The following ZNF584 variants were observed in gnomAD, a reference collection of about 807,000 sequenced individuals.
ZNF584 encodes zinc finger protein 584.
In ZNF584, 12 loss-of-function variants were observed where a neutral mutation model predicts 14.7. The observed-to-expected ratio is 0.82, with a 90% CI of 0.52 to 1.32. The LOEUF (loss-of-function observed/expected upper bound fraction) is 1.32. Ranked by LOEUF, ZNF584 falls within the 40% of genes most tolerant of loss-of-function variation. The probability of loss-of-function intolerance (pLI) is 0.00; values close to 1 mark genes in which losing one functional copy is unlikely to be tolerated. For synonymous variants in ZNF584, 204 were observed against 190.9 expected (o/e 1.07, Z -0.57); for missense variants, 478 against 518.8 (o/e 0.92, Z 0.76).
Position 58,418,008 on chromosome 19 carries a change from A to C in ZNF584, c.*224A>C. ...TCACTGAGTTTATCCACCGCCATCC[A>C]CCTCTATCCACCCCATAAGGTCCCT... On this transcript the variant is annotated 3_prime_UTR_variant, in exon 4 of 4. Transcript: ENST00000306910. The C allele has an allele frequency of 3.5e-6, 2 of 568,008 alleles. No homozygotes were observed. The highest frequency in any genetic ancestry group is 4.5e-5 in the South Asian group (2 of 44,176). The allele number at this position is 568,008 out of a possible 1,614,324, so 35.2% of individuals were successfully genotyped here. A position where few individuals can be genotyped will look rare whatever the true frequency, so the allele number is the denominator to read the frequency against.
intron 1 of ZNF584, among the ~76,000 whole-genome samples, chr19:58,409,454 G>A (rs2052513694): frequency 6.6e-6 from 1 of 152,238 alleles, no homozygotes; most frequent in South Asian, 2.1e-4. Context: ...GTTGTGCTGG[G>A]GGTGTACAGT....
At chr19:58,410,144 A>T in intron 2 of ZNF584, 53 bp downstream of exon 2, 2 of 1,548,450 alleles carry the variant, frequency 1.3e-6, no homozygotes, top group Middle Eastern at 1.8e-4. Context: ...CATTTTCCCC[A>T]TGCGAAGTTC....
intron 3 of ZNF584, chr19:58,416,270 C>CT (rs1307717574): frequency 2.7e-5 from 6 of 221,040 alleles, no homozygotes; most frequent in Non-Finnish European, 5.5e-5. Context: ...GAGTTTTGCT[C>CT]TTATTGCCCA....
upstream of ZNF584, chr19:58,405,521 C>T (rs79352117): frequency 8.0e-4 from 122 of 152,084 alleles, no homozygotes; most frequent in African/African-American, 1.2e-3. Flanking sequence ...GGGCGGCTGC[C>T]GGGCGGAGAT....
At position 58,409,066 on chromosome 19, in the gene ZNF584, C is replaced by A; in HGVS notation, c.-82C>A. ...GGGAGAGCTTCCCGGGAAGGTTCCACGGCGGCCGAGGGTTTCCGCGCCCGG... is the reference window on the plus strand; with the variant it reads ...GGGAGAGCTTCCCGGGAAGGTTCCAAGGCGGCCGAGGGTTTCCGCGCCCGG... On this transcript the variant is annotated 5_prime_UTR_variant, in exon 1 of 4. Transcript: ENST00000306910. The A allele has an allele frequency of 6.9e-7, 1 of 1,446,334 alleles. No homozygotes were observed. The highest frequency in any genetic ancestry group is 9.2e-7 in the Non-Finnish European group (1 of 1,087,548). 89.6% of individuals were successfully genotyped at this position (1,446,334 alleles called of 1,614,324 possible).
chr19:58,414,140 T>A (rs2052611039), intron 2 of ZNF584, among the ~76,000 whole-genome samples: 1 of 152,048 alleles, frequency 6.6e-6, no homozygotes, highest in Non-Finnish European at 1.5e-5. Context: ...TTTTCATTCC[T>A]CCCAAAGTAC....
chr19:58,409,573 C>T (rs537796340), intron 1 of ZNF584, among the ~76,000 whole-genome samples: 30 of 152,076 alleles, frequency 2.0e-4, no homozygotes, highest in Non-Finnish European at 3.7e-4. Context: ...GGTTTGGTTG[C>T]GTCTGAGAGG....
chr19:58,405,899 T>C (rs75240239), upstream of ZNF584: 25,889 of 148,806 alleles, frequency 0.17, 2,231 homozygotes, highest in Non-Finnish European at 0.21. Flanking sequence ...ACATCCCAGA[T>C]GATGGGCGGC....
chr19:58,412,616 T>G (rs951312604), intron 2 of ZNF584, among the ~76,000 whole-genome samples: 3 of 152,214 alleles, frequency 2.0e-5, no homozygotes, highest in Admixed American at 6.5e-5. Flanking sequence ...TGGTGTAGTT[T>G]TCTTATAATG....
At chr19:58,415,828 G>A (rs1287687222) in intron 3 of ZNF584, 182 bp downstream of exon 3, 2 of 1,602,286 alleles carry the variant, frequency 1.2e-6, no homozygotes, top group African/African-American at 2.7e-5. Flanking sequence ...GGCCCCGCAT[G>A]TTCCTGCCTC....
chr19:58,410,852 C>T (rs181147481), intron 2 of ZNF584, among the ~76,000 whole-genome samples: 4 of 118,586 alleles, frequency 3.4e-5, no homozygotes, highest in Non-Finnish European at 4.8e-5. Context: ...AGTGCAGTGG[C>T]GCAATCTCGG....
intron 2 of ZNF584, 36 bp downstream of exon 2, chr19:58,410,127 A>G: frequency 3.2e-6 from 5 of 1,558,402 alleles, no homozygotes; most frequent in Non-Finnish European, 4.3e-6. Flanking sequence ...CACACTGACT[A>G]CCCCCTCATT....
chr19:58,410,518 AAT>A (rs1156543028), intron 2 of ZNF584, among the ~76,000 whole-genome samples: 803 of 77,148 alleles, frequency 0.01, 33 homozygotes, highest in Middle Eastern at 0.03. Context: ...CGGTTTGGGA[AAT>A]ATATATATAT....
intron 2 of ZNF584, among the ~76,000 whole-genome samples, chr19:58,411,394 C>T (rs935318860): frequency 1.6e-4 from 25 of 151,564 alleles, no homozygotes; most frequent in Non-Finnish European, 3.1e-4. Context: ...GGTGTGGTGG[C>T]ACATGCCTGT....
At chr19:58,412,197 G>GCCTTTTTTTTT (rs1225346355) in intron 2 of ZNF584, among the ~76,000 whole-genome samples, 2 of 97,972 alleles carry the variant, frequency 2.0e-5, no homozygotes, top group African/African-American at 1.1e-4. Context: ...GGCCAGGGTG[G>GCCTTTTTTTTT]TCTTTTTTTT....
At chr19:58,409,266 C>T (rs2052510291) in intron 1 of ZNF584, 101 bp downstream of exon 1, 2 of 1,281,102 alleles carry the variant, frequency 1.6e-6, no homozygotes, top group South Asian at 1.9e-5. Context: ...GCGTATGATT[C>T]CAGGGGGAGG....
intron 1 of ZNF584, 107 bp from the exon 2 acceptor site, chr19:58,409,831 GATA>G: frequency 1.5e-6 from 2 of 1,331,460 alleles, no homozygotes; most frequent in Admixed American, 3.5e-5. Context: ...CATAGGGAAA[GATA>G]ATGTCAGGGG....
At chr19:58,408,129 G>A (rs1030292796), upstream of ZNF584, 3 of 152,446 alleles carry the variant, frequency 2.0e-5, no homozygotes, top group East Asian at 5.8e-4. Flanking sequence ...AGACTTGCCT[G>A]ATGACAGGCA....
upstream of ZNF584, chr19:58,408,309 C>T (rs1394770230): frequency 1.3e-5 from 2 of 152,284 alleles, no homozygotes; most frequent in Admixed American, 6.5e-5. Flanking sequence ...ATGGGGCCGC[C>T]CCTCCACTGT....
Sources: allele counts gnomAD v4.1 joint callset (sites outside exome capture counted in the v4.1 genomes callset), GRCh38; gene constraint gnomAD v4.1.1; transcripts MANE v1.5; gene names NCBI Gene and HGNC (gene_info 2026-07-23, HGNC 2026-07-21).